Variants in CTNNA2 observed in about 807,000 individuals in gnomAD.
The protein encoded by CTNNA2 is catenin alpha 2.
A neutral mutation model predicts 101.0 loss-of-function variants in CTNNA2; 42 were observed. That is an observed-to-expected ratio of 0.42 (90% CI 0.32 to 0.54). The LOEUF (loss-of-function observed/expected upper bound fraction) is 0.54. Ranked by LOEUF, CTNNA2 falls within the 20% of genes least tolerant of loss-of-function variation. The pLI, the probability that CTNNA2 is intolerant of heterozygous loss-of-function variation, is 0.14. For synonymous variants in CTNNA2, 450 were observed against 456.4 expected, an observed-to-expected ratio of 0.99 and a Z score of 0.18; for missense variants, 871 against 1,223.1, an observed-to-expected ratio of 0.71 and a Z score of 4.29.
chr2:79,301,668 C>T (rs1676111362), intron 2 of CTNNA2, among the ~76,000 whole-genome samples: 2 of 152,162 alleles, frequency 1.3e-5, no homozygotes, highest in South Asian at 2.1e-4. Context: ...CCCTATCTCC[C>T]CTGTCTCCCC....
chr2:80,202,164 T>C (rs978359453), intron 7 of CTNNA2, among the ~76,000 whole-genome samples: 1 of 152,232 alleles, frequency 6.6e-6, no homozygotes, highest in Non-Finnish European at 1.5e-5. Flanking sequence ...CCCTGCTTGA[T>C]CTGCTCTGTA....
intron 3 of CTNNA2, among the ~76,000 whole-genome samples, chr2:79,332,550 T>C (rs1180689581): frequency 6.6e-6 from 1 of 152,220 alleles, no homozygotes; most frequent in Non-Finnish European, 1.5e-5. Flanking sequence ...GAAAAATCTT[T>C]AATGTTTTCT....
chr2:79,864,769 T>C (rs901114494), intron 4 of CTNNA2, among the ~76,000 whole-genome samples: 10 of 152,130 alleles, frequency 6.6e-5, no homozygotes, highest in Non-Finnish European at 1.2e-4. Flanking sequence ...GCTCAGAAAT[T>C]GAGTATGGGC....
intron 7 of CTNNA2, among the ~76,000 whole-genome samples, chr2:79,911,133 G>T (rs546381008): frequency 1.3e-5 from 2 of 152,280 alleles, no homozygotes; most frequent in African/African-American, 4.8e-5. Flanking sequence ...ATGGTATTAC[G>T]TAGGGTGCAG....
intron 3 of CTNNA2, among the ~76,000 whole-genome samples, chr2:79,818,335 C>T (rs994829118): frequency 3.3e-5 from 5 of 151,756 alleles, no homozygotes; most frequent in South Asian, 2.1e-4. Context: ...TTTTTTGAGA[C>T]GGAGTTTCGC....
rs144209307 is a variant in CTNNA2 at position 80,641,704 on chromosome 2, C to G, written c.2575-5881C>G. 3.5e-3 allele frequency among the ~76,000 whole-genome samples: 533 copies of G among 152,214 alleles called. 3 individuals are homozygous for G. Among genetic ancestry groups the G allele is most frequent in the African/African-American group, 0.012 (504 of 41,544 alleles). ...TTGCTAATTACTTAACTATTCCCTA[C>G]TTAACCAAGGAAGGTTATTTTCTAT... On this transcript the variant is annotated intron_variant, in intron 18 of 18. Coordinates refer to ENST00000402739, the MANE Select transcript of CTNNA2 (RefSeq NM_001282597.3).
At chr2:79,274,171 G>A (rs1357981385) in intron 2 of CTNNA2, among the ~76,000 whole-genome samples, 4 of 151,978 alleles carry the variant, frequency 2.6e-5, no homozygotes, top group Admixed American at 6.6e-5. Context: ...TTTTAGATGT[G>A]TAAGAGGAAT....
At chr2:79,787,338 G>A (rs1372590914) in intron 3 of CTNNA2, among the ~76,000 whole-genome samples, 4 of 152,006 alleles carry the variant, frequency 2.6e-5, no homozygotes, top group Non-Finnish European at 5.9e-5. Flanking sequence ...TATACAATTA[G>A]GGGAGCCCAG....
At chr2:79,396,065 T>C (rs529357349) in intron 4 of CTNNA2, among the ~76,000 whole-genome samples, 5 of 152,350 alleles carry the variant, frequency 3.3e-5, no homozygotes, top group Admixed American at 3.3e-4. Flanking sequence ...GCAGGAATTC[T>C]GGTTTAACCA....
intron 3 of CTNNA2, among the ~76,000 whole-genome samples, chr2:79,763,738 G>T (rs1343952692): frequency 6.6e-6 from 1 of 152,146 alleles, no homozygotes; most frequent in Non-Finnish European, 1.5e-5. Context: ...GAACTTGACG[G>T]TTGCATTGTT....
chr2:80,097,507 T>A (rs2148832395), intron 7 of CTNNA2, among the ~76,000 whole-genome samples: 1 of 152,208 alleles, frequency 6.6e-6, no homozygotes, highest in East Asian at 1.9e-4. Context: ...TCTCGAGGAG[T>A]ATCTTTGTGG....
intron 7 of CTNNA2, among the ~76,000 whole-genome samples, chr2:80,263,498 C>T (rs1672772582): frequency 6.6e-6 from 1 of 152,124 alleles, no homozygotes; most frequent in African/African-American, 2.4e-5. Flanking sequence ...CCATGCCTGG[C>T]TAATTTTCTG....
chr2:79,527,186 T>G lies in CTNNA2; in HGVS notation c.-6+13979T>G, dbSNP rs182782354. On this transcript the variant is annotated intron_variant, in intron 1 of 18. Coordinates refer to ENST00000402739, the MANE Select transcript of CTNNA2 (RefSeq NM_001282597.3). ...CTTAATAGTAAAAAGAATACCTAAA[T>G]TTAAAAATGGACAAAGGACTAGAAT... is the stretch of plus-strand genomic sequence containing the variant. 3.3e-5 allele frequency among the ~76,000 whole-genome samples: 5 copies of G among 152,004 alleles called. No individual in the cohort carries two copies. In the East Asian group the frequency reaches 9.6e-4, roughly 29 times the overall value.
At chr2:80,630,914 TG>T (rs978388096) in intron 18 of CTNNA2, among the ~76,000 whole-genome samples, 6 of 152,182 alleles carry the variant, frequency 3.9e-5, no homozygotes, top group Non-Finnish European at 8.8e-5. Flanking sequence ...AGAAGTTGCA[TG>T]GCTTAGCATT....
At chr2:80,223,576 A>G (rs1050501983) in intron 7 of CTNNA2, among the ~76,000 whole-genome samples, 1 of 152,118 alleles carries the variant, frequency 6.6e-6, no homozygotes, top group Non-Finnish European at 1.5e-5. Flanking sequence ...GCCTGGCCCT[A>G]TTTCTTACAT....
intron 3 of CTNNA2, among the ~76,000 whole-genome samples, chr2:79,806,899 A>T (rs1208212550): frequency 6.6e-6 from 1 of 152,086 alleles, no homozygotes; most frequent in Non-Finnish European, 1.5e-5. Context: ...TCCCCTTCTT[A>T]TGGATATCTT....
intron 7 of CTNNA2, among the ~76,000 whole-genome samples, chr2:80,295,982 GA>G (rs1675704255): frequency 6.6e-6 from 1 of 152,106 alleles, no homozygotes; most frequent in Non-Finnish European, 1.5e-5. Flanking sequence ...TAAGGACTGA[GA>G]TCATTTCCCT....
chr2:80,034,529 T>C (rs935988464), intron 7 of CTNNA2, among the ~76,000 whole-genome samples: 4 of 151,986 alleles, frequency 2.6e-5, no homozygotes, highest in Non-Finnish European at 5.9e-5. Flanking sequence ...AATTTTTGTA[T>C]TTTTATTGGA....
chr2:80,099,965 T>C (rs1700440236), intron 7 of CTNNA2, among the ~76,000 whole-genome samples: 3 of 152,140 alleles, frequency 2.0e-5, no homozygotes, highest in African/African-American at 7.2e-5. Flanking sequence ...AGTCTTGCTC[T>C]GTCGCCCAGG....
Sources: allele counts gnomAD v4.1 joint callset (sites outside exome capture counted in the v4.1 genomes callset), GRCh38; gene constraint gnomAD v4.1.1; transcripts MANE v1.5; gene names NCBI Gene and HGNC (gene_info 2026-07-23, HGNC 2026-07-21).